PALM2AKAP2: variants seen among roughly 807,000 people sequenced by gnomAD.
The protein encoded by PALM2AKAP2 is PALM2-AKAP2 fusion protein.
Under a neutral mutation model 71.5 loss-of-function variants are expected in PALM2AKAP2, and 37 were observed. The ratio of observed to expected loss-of-function variants is 0.52; its 90% confidence interval spans 0.40 to 0.68. The LOEUF (loss-of-function observed/expected upper bound fraction) is 0.68, where lower values mean the gene tolerates loss of function less well. PALM2AKAP2 is among the 30% of genes least tolerant of loss of function. The probability of loss-of-function intolerance (pLI) is 0.00; values close to 1 mark genes in which losing one functional copy is unlikely to be tolerated. For missense variants in PALM2AKAP2, 1,224 were observed against 1,191.8 expected, an observed-to-expected ratio of 1.03 and a Z score of -0.40; for synonymous variants, 468 against 478.8, an observed-to-expected ratio of 0.98 and a Z score of 0.29.
chr9:110,152,208 G>C (rs1360491798), intron 2 of PALM2AKAP2, among the ~76,000 whole-genome samples: 1 of 151,018 alleles, frequency 6.6e-6, no homozygotes, highest in East Asian at 1.9e-4. Flanking sequence ...CTCCAGCCTG[G>C]GCAACAGAGC....
chr9:109,782,209 T>A (rs1421176490), intron 1 of PALM2AKAP2, among the ~76,000 whole-genome samples: 1 of 152,186 alleles, frequency 6.6e-6, no homozygotes, highest in Admixed American at 6.5e-5. Context: ...CCAAGTCGAT[T>A]TTCCAAGAAA....
intron 2 of PALM2AKAP2, among the ~76,000 whole-genome samples, chr9:109,876,402 G>T (rs1162182112): frequency 2.6e-5 from 4 of 152,166 alleles, no homozygotes; most frequent in Admixed American, 6.6e-5. Context: ...TGCTTTTTCG[G>T]CTTCTTAAAA....
At chr9:109,736,563 T>G (rs958934754) in intron 1 of PALM2AKAP2, among the ~76,000 whole-genome samples, 14 of 152,022 alleles carry the variant, frequency 9.2e-5, no homozygotes, top group Non-Finnish European at 1.9e-4. Context: ...GCCATTTTCT[T>G]TTTTTACTTT....
At chr9:110,034,604 CTTTTTTTT>C (rs57708385) in intron 7 of PALM2AKAP2, among the ~76,000 whole-genome samples, 1 of 118,334 alleles carries the variant, frequency 8.5e-6, no homozygotes, top group Non-Finnish European at 1.7e-5. Context: ...ATATATTCCC[CTTTTTTTT>C]TTTTTTTTTT....
chr9:109,951,650 A>G (rs1831644890), intron 6 of PALM2AKAP2, among the ~76,000 whole-genome samples: 1 of 152,178 alleles, frequency 6.6e-6, no homozygotes, highest in Admixed American at 6.5e-5. Flanking sequence ...AACAGTGTGG[A>G]AGCTTAGTCA....
At chr9:109,807,660 A>G (rs1827616191) in intron 1 of PALM2AKAP2, among the ~76,000 whole-genome samples, 1 of 152,030 alleles carries the variant, frequency 6.6e-6, no homozygotes, top group African/African-American at 2.4e-5. Flanking sequence ...TTATTTAATC[A>G]CTAGCAATGA....
chr9:109,831,986 G>A (rs1001302572), intron 1 of PALM2AKAP2, among the ~76,000 whole-genome samples: 25 of 152,296 alleles, frequency 1.6e-4, no homozygotes, highest in African/African-American at 5.3e-4. Flanking sequence ...ACTATCTAGA[G>A]TATAAATATT....
chr9:110,020,206 T>C (rs921687174), intron 7 of PALM2AKAP2, among the ~76,000 whole-genome samples: 2 of 152,246 alleles, frequency 1.3e-5, no homozygotes, highest in African/African-American at 2.4e-5. Flanking sequence ...TTCTTCCATA[T>C]TGCTCTTCTT....
chr9:110,141,062 A>G (rs1836015907), intron 2 of PALM2AKAP2, among the ~76,000 whole-genome samples: 1 of 152,156 alleles, frequency 6.6e-6, no homozygotes, highest in Non-Finnish European at 1.5e-5. Flanking sequence ...TATTACCTCC[A>G]ACTTTATTTC....
intron 1 of PALM2AKAP2, among the ~76,000 whole-genome samples, chr9:109,819,672 C>T (rs1026471074): frequency 6.0e-5 from 9 of 151,240 alleles, no homozygotes; most frequent in Admixed American, 4.6e-4. Flanking sequence ...CACACACACA[C>T]GTAAATAAAG....
At chr9:109,791,994 C>T (rs997234411) in intron 1 of PALM2AKAP2, among the ~76,000 whole-genome samples, 7 of 152,180 alleles carry the variant, frequency 4.6e-5, no homozygotes, top group African/African-American at 7.2e-5. Flanking sequence ...CAGTTTTCCA[C>T]GTCTGCATGT....
intron 1 of PALM2AKAP2, among the ~76,000 whole-genome samples, chr9:109,681,800 T>C (rs956592744): frequency 6.6e-6 from 1 of 152,300 alleles, no homozygotes; most frequent in South Asian, 2.1e-4. Flanking sequence ...GTACACTAGA[T>C]GATAATGATT....
chr9:109,792,169 G>T (rs933563687), intron 1 of PALM2AKAP2, among the ~76,000 whole-genome samples: 1 of 152,068 alleles, frequency 6.6e-6, no homozygotes, highest in African/African-American at 2.4e-5. Flanking sequence ...TCAGAGTCAG[G>T]GCTGCTACTT....
At position 109,837,773 on chromosome 9, in the gene PALM2AKAP2, A is replaced by C. The variant is rs531020978; in HGVS notation, c.46-29718A>C. Among the ~76,000 whole-genome samples the C allele has an allele frequency of 5.1e-3, 780 of 152,314 alleles. 8 individuals carry two copies. The highest frequency in any genetic ancestry group is 0.018 in the African/African-American group (741 of 41,560). ...ACTTTAAACCAACAAAAATCAAAAG[A>C]GACAAAGAAGGCCATTACATAATGG... On this transcript the variant is annotated intron_variant, in intron 1 of 9. Coordinates refer to the PALM2AKAP2 transcript ENST00000302798.
At chr9:109,833,728 G>T (rs2131549116) in intron 1 of PALM2AKAP2, among the ~76,000 whole-genome samples, 1 of 152,300 alleles carries the variant, frequency 6.6e-6, no homozygotes, top group Non-Finnish European at 1.5e-5. Flanking sequence ...GAGTACCAGT[G>T]GTGCTCCACA....
chr9:110,042,295 G>A (rs1001728048), intron 7 of PALM2AKAP2, among the ~76,000 whole-genome samples: 1 of 152,164 alleles, frequency 6.6e-6, no homozygotes, highest in African/African-American at 2.4e-5. Flanking sequence ...GCATGGTGGT[G>A]TGTGCCTATA....
intron 1 of PALM2AKAP2, among the ~76,000 whole-genome samples, chr9:109,693,969 C>A (rs1239964632): frequency 6.6e-6 from 1 of 152,010 alleles, no homozygotes; most frequent in Non-Finnish European, 1.5e-5. Context: ...ATCACTTATA[C>A]CACCATATGA....
intron 6 of PALM2AKAP2, among the ~76,000 whole-genome samples, chr9:110,013,496 T>C (rs1397900877): frequency 6.6e-6 from 1 of 152,224 alleles, no homozygotes; most frequent in East Asian, 1.9e-4. Context: ...AATCTATTCA[T>C]GTAGGAGCAA....
At chr9:109,757,052 C>T (rs1333472554) in intron 1 of PALM2AKAP2, among the ~76,000 whole-genome samples, 1 of 152,044 alleles carries the variant, frequency 6.6e-6, no homozygotes, top group African/African-American at 2.4e-5. Flanking sequence ...TGCTATTGAA[C>T]ATAACGTGTT....
Sources: gnomAD v4.1 joint callset for allele counts (sites outside exome capture counted in the v4.1 genomes callset) on GRCh38, gnomAD v4.1.1 for gene constraint, MANE v1.5 for transcripts, NCBI Gene and HGNC (gene_info 2026-07-23, HGNC 2026-07-21) for gene names.